Variants in VIT observed in about 807,000 individuals in gnomAD.
VIT encodes vitrin.
VIT carries 99 observed loss-of-function variants against 78.0 expected under a neutral mutation model. The observed-to-expected ratio is 1.27, with a 90% confidence interval of 1.08 to 1.50. The LOEUF is 1.50. VIT is among the 40% of genes most tolerant of loss of function. The probability of loss-of-function intolerance (pLI) is 0.00; values close to 1 mark genes in which losing one functional copy is unlikely to be tolerated. For missense variants in VIT, 1,126 were observed against 875.3 expected (o/e 1.29, Z -3.61); for synonymous variants, 374 against 334.3 (o/e 1.12, Z -1.29).
rs373107899 is a variant in VIT, at chr2:36,743,119, C to T, written c.138C>T (p.Cys46=). 1.0e-4 allele frequency: 169 copies of T among 1,613,814 alleles called. No individual in the cohort carries two copies. Among genetic ancestry groups the T allele is most frequent in the Middle Eastern group, 3.3e-4 (2 of 6,082 alleles). Residue 46 remains cysteine, a synonymous_variant, in exon 4 of 16, where the codon TGC becomes TGT. Transcript: ENST00000379242. ...RPKFTVPQIN[C]DVKAGKIIDP... is the part of the protein sequence containing the mutation. ...TCCCAGCTGTGCCTCAGATCAACTG[C>T]GATGTCAAAGCCGGAAAGATCATCG...
intron 13 of VIT, 130 bp from the exon 14 acceptor site, chr2:36,805,308 G>GAA (rs567911067): frequency 0.14 from 82,043 of 578,790 alleles, 167 homozygotes; most frequent in East Asian, 0.21. Flanking sequence ...TGTCTCAAAG[G>GAA]AAAAAAAAAA....
intron 6 of VIT, among the ~76,000 whole-genome samples, chr2:36,765,264 C>T (rs1253516916): frequency 6.6e-6 from 1 of 152,088 alleles, no homozygotes; most frequent in African/African-American, 2.4e-5. Flanking sequence ...TTAGTTCGTT[C>T]TCACACTGCT....
intron 9 of VIT, among the ~76,000 whole-genome samples, chr2:36,776,425 C>G (rs547797120): frequency 7.2e-6 from 1 of 137,944 alleles, no homozygotes; most frequent in South Asian, 2.4e-4. Flanking sequence ...TCACTGAAGC[C>G]TTGGTTTTAG....
chr2:36,700,214 A>G (rs1286159472), intron 1 of VIT, among the ~76,000 whole-genome samples: 1 of 152,160 alleles, frequency 6.6e-6, no homozygotes, highest in East Asian at 1.9e-4. Flanking sequence ...GAGCTAGTCA[A>G]TCAACAAATA....
At chr2:36,788,280 C>T (rs1665247003) in intron 12 of VIT, among the ~76,000 whole-genome samples, 2 of 152,184 alleles carry the variant, frequency 1.3e-5, no homozygotes, top group Admixed American at 6.5e-5. Context: ...ACAACACCCG[C>T]GGGGTCTCCA....
intron 1 of VIT, among the ~76,000 whole-genome samples, chr2:36,704,880 C>G (rs1665314364): frequency 2.0e-5 from 3 of 152,104 alleles, no homozygotes. Context: ...GAAAGTTTTG[C>G]CGGACCTGAG....
rs1666658470 is a variant in VIT, at chr2:36,805,575, G to A, written c.1300G>A (p.Glu434Lys). 6.2e-7 allele frequency: 1 copy of A among 1,614,060 alleles called. No homozygotes were observed. Residue 434 changes from glutamate to lysine, a missense_variant, in exon 14 of 16, where the codon GAG becomes AAG. Coordinates refer to ENST00000379242, the MANE Select transcript of VIT (RefSeq NM_053276.4). Reference protein sequence around the residue: ...KVEEASRLARESGINIFFITI... With the variant: ...KVEEASRLARKSGINIFFITI... ...GGAGGAGGCTTCAAGACTTGCGAGA[G>A]AGTCAGGAATCAACATTTTCTTCAT...
At position 36,787,282 on chromosome 2, in the gene VIT, T is replaced by C; in HGVS notation, c.1058+6T>C. On this transcript the variant is annotated splice_donor_region_variant and intron_variant, in intron 12 of 15. Coordinates refer to ENST00000379242, the MANE Select transcript of VIT (RefSeq NM_053276.4). ...ATGGGTGTTGTCCAGTATGGGTAAG[T>C]GCAGTTAATGTTCTGAATCCAGAAA... 4 of 1,608,480 alleles carry C rather than the reference T, an allele frequency of 2.5e-6. No homozygotes were observed. The highest frequency in any genetic ancestry group is 3.4e-6 in the Non-Finnish European group (4 of 1,176,448).
intron 1 of VIT, among the ~76,000 whole-genome samples, chr2:36,707,281 G>T (rs1217476767): frequency 6.6e-6 from 1 of 152,138 alleles, no homozygotes; most frequent in African/African-American, 2.4e-5. Flanking sequence ...GATTTGCCTG[G>T]CTGCCCTCCT....
chr2:36,794,874 A>C (rs1405032834), intron 12 of VIT, among the ~76,000 whole-genome samples: 1 of 152,196 alleles, frequency 6.6e-6, no homozygotes, highest in Non-Finnish European at 1.5e-5. Flanking sequence ...AAAAAATTAG[A>C]AGCACCTATT....
At chr2:36,791,103 G>C (rs1308668437) in intron 12 of VIT, among the ~76,000 whole-genome samples, 1 of 152,176 alleles carries the variant, frequency 6.6e-6, no homozygotes, top group East Asian at 1.9e-4. Flanking sequence ...ATCAAAATTG[G>C]AAACAGTTGT....
chr2:36,770,903 G>A lies in VIT; in HGVS notation c.680-2888G>A, dbSNP rs190465612. 2.3e-3 allele frequency among the ~76,000 whole-genome samples: 351 copies of A among 152,312 alleles called. 4 individuals are homozygous for A. The highest frequency in any genetic ancestry group is 8.0e-3 in the African/African-American group (334 of 41,548). On this transcript the variant is annotated intron_variant, in intron 7 of 15. Coordinates refer to ENST00000379242, the MANE Select transcript of VIT (RefSeq NM_053276.4). ...GAGAAGAGCGCCGCCTAGTGGCAGG[G>A]AATAGCGATGACAGAGATCCTCCAC... is the stretch of plus-strand genomic sequence containing the variant.
intron 6 of VIT, among the ~76,000 whole-genome samples, chr2:36,764,317 C>G (rs1439784845): frequency 1.3e-5 from 2 of 152,192 alleles, no homozygotes; most frequent in African/African-American, 4.8e-5. Context: ...TGTTAAATGG[C>G]TTTTCCCTAG....
chr2:36,808,404 C>T, intron 14 of VIT, 68 bp from the exon 15 acceptor site: 1 of 1,521,468 alleles, frequency 6.6e-7, no homozygotes, highest in Admixed American at 2.0e-5. Flanking sequence ...CCCGGGGGAT[C>T]AAGCCTAATG....
chr2:36,755,203 A>G, intron 5 of VIT, 149 bp downstream of exon 5: 2 of 903,986 alleles, frequency 2.2e-6, no homozygotes, highest in Admixed American at 3.5e-5. Context: ...TCACGACACA[A>G]TAAATTAGAA....
intron 2 of VIT, among the ~76,000 whole-genome samples, chr2:36,721,187 G>C (rs1297850241): frequency 6.6e-6 from 1 of 152,122 alleles, no homozygotes; most frequent in African/African-American, 2.4e-5. Flanking sequence ...TGAGGTGATG[G>C]CTATGTTAAT....
At chr2:36,712,550 A>G (rs1665868075) in intron 1 of VIT, among the ~76,000 whole-genome samples, 1 of 148,854 alleles carries the variant, frequency 6.7e-6, no homozygotes, top group African/African-American at 2.5e-5. Flanking sequence ...TTTAAAGTGT[A>G]TAATTTGGCC....
At chr2:36,812,075 G>A (rs1347684149) in intron 15 of VIT, among the ~76,000 whole-genome samples, 1 of 152,206 alleles carries the variant, frequency 6.6e-6, no homozygotes, top group Non-Finnish European at 1.5e-5. Context: ...ACCCAGCTCT[G>A]CAGCAAAGCT....
chr2:36,783,697 G>C (rs2148625679), intron 11 of VIT, among the ~76,000 whole-genome samples: 1 of 152,334 alleles, frequency 6.6e-6, no homozygotes, highest in South Asian at 2.1e-4. Flanking sequence ...CAGGTTAGCA[G>C]GGGCAATGGT....
Sources: allele counts gnomAD v4.1 joint callset (sites outside exome capture counted in the v4.1 genomes callset), GRCh38; gene constraint gnomAD v4.1.1; transcripts MANE v1.5; gene names NCBI Gene and HGNC (gene_info 2026-07-23, HGNC 2026-07-21).